The following PCSK5 variants were observed in gnomAD, a reference collection of about 807,000 sequenced individuals.
PCSK5 encodes proprotein convertase subtilisin/kexin type 5.
PCSK5 carries 129 observed loss-of-function variants against 233.2 expected under a neutral mutation model. The observed-to-expected ratio is 0.55, with a 90% confidence interval of 0.48 to 0.64. The LOEUF (loss-of-function observed/expected upper bound fraction) is 0.64. Among genes scored for constraint, PCSK5 ranks in the 30% least tolerant of loss-of-function variants. The probability of loss-of-function intolerance (pLI) is 0.00; values close to 1 mark genes in which losing one functional copy is unlikely to be tolerated. For synonymous variants in PCSK5, 825 were observed against 879.2 expected (o/e 0.94, Z 1.09); for missense variants, 2,076 against 2,430.1 (o/e 0.85, Z 3.06).
At chr9:76,175,176 GCAT>G (rs751689245) in intron 14 of PCSK5, 47 bp downstream of exon 14, 36 of 1,586,696 alleles carry the variant, frequency 2.3e-5, no homozygotes, top group Non-Finnish European at 3.1e-5. Flanking sequence ...GGCAGCTCAT[GCAT>G]CATCCCACCA....
chr9:76,138,075 A>G (rs1330584614), intron 10 of PCSK5, among the ~76,000 whole-genome samples: 1 of 152,004 alleles, frequency 6.6e-6, no homozygotes, highest in East Asian at 1.9e-4. Flanking sequence ...TTATTTACCA[A>G]TATTTCCTGA....
At chr9:76,220,656 T>C (rs1278550526) in intron 20 of PCSK5, among the ~76,000 whole-genome samples, 4 of 149,592 alleles carry the variant, frequency 2.7e-5, no homozygotes, top group Admixed American at 6.6e-5. Context: ...CACATAAAAA[T>C]TGTGTGCATT....
At chr9:75,952,040 C>A (rs1464599071) in intron 2 of PCSK5, among the ~76,000 whole-genome samples, 2 of 152,136 alleles carry the variant, frequency 1.3e-5, no homozygotes, top group Non-Finnish European at 2.9e-5. Context: ...ACTTAACCAC[C>A]TAGATGCTAC....
intron 10 of PCSK5, among the ~76,000 whole-genome samples, chr9:76,152,467 CTTATT>C (rs1823713414): frequency 6.6e-6 from 1 of 152,092 alleles, no homozygotes; most frequent in Non-Finnish European, 1.5e-5. Context: ...GCTTGTTTGC[CTTATT>C]TTATTTGTTT....
chr9:76,006,690 A>G (rs1240953320), intron 3 of PCSK5, among the ~76,000 whole-genome samples: 1 of 152,150 alleles, frequency 6.6e-6, no homozygotes, highest in Non-Finnish European at 1.5e-5. Context: ...AATATGTTTC[A>G]TCCACCATCA....
At chr9:75,908,978 T>TCTATCTATCTAA (rs1554704594) in intron 1 of PCSK5, among the ~76,000 whole-genome samples, 82 of 150,462 alleles carry the variant, frequency 5.4e-4, no homozygotes, top group African/African-American at 1.9e-3. Flanking sequence ...TATCTATCTA[T>TCTATCTATCTAA]CTATCTATCT....
chr9:76,181,098 G>A (rs2131216704), intron 15 of PCSK5, among the ~76,000 whole-genome samples: 1 of 152,248 alleles, frequency 6.6e-6, no homozygotes, highest in East Asian at 1.9e-4. Flanking sequence ...GTTTTCCTCT[G>A]ATTCACCACC....
intron 2 of PCSK5, among the ~76,000 whole-genome samples, chr9:75,966,196 G>C (rs1825578771): frequency 6.6e-6 from 1 of 152,046 alleles, no homozygotes. Context: ...GGCTAGAAAG[G>C]GTACTCAATA....
At chr9:75,998,606 G>A (rs137895853) in intron 3 of PCSK5, among the ~76,000 whole-genome samples, 9 of 152,116 alleles carry the variant, frequency 5.9e-5, no homozygotes, top group East Asian at 1.9e-4. Context: ...GAAACGTAAC[G>A]TCACTTGGTC....
At chr9:76,134,771 G>A (rs1042095297) in intron 10 of PCSK5, among the ~76,000 whole-genome samples, 10 of 152,032 alleles carry the variant, frequency 6.6e-5, no homozygotes, top group African/African-American at 2.2e-4. Context: ...ATGCAATTGT[G>A]CACAATATGT....
At chr9:75,931,898 G>A (rs1206507506) in intron 1 of PCSK5, among the ~76,000 whole-genome samples, 1 of 152,150 alleles carries the variant, frequency 6.6e-6, no homozygotes, top group Non-Finnish European at 1.5e-5. Flanking sequence ...ACGAAGTCAT[G>A]TTATCTTTGT....
chr9:76,159,320 A>T, intron 12 of PCSK5, 149 bp downstream of exon 12: 1 of 660,790 alleles, frequency 1.5e-6, no homozygotes, highest in Non-Finnish European at 2.6e-6. Context: ...TCATAAGTAG[A>T]GAGTGTGAAG....
chr9:76,000,847 C>G (rs1359613602), intron 3 of PCSK5, among the ~76,000 whole-genome samples: 6 of 151,710 alleles, frequency 4.0e-5, no homozygotes, highest in African/African-American at 1.2e-4. Flanking sequence ...ATAATAAATG[C>G]TTCCATTATT....
At chr9:76,083,118 C>A (rs7037617) in intron 7 of PCSK5, among the ~76,000 whole-genome samples, 63,533 of 148,314 alleles carry the variant, frequency 0.43, 14,188 homozygotes, top group East Asian at 0.6. Flanking sequence ...CTAAGGCAGG[C>A]GAATCGCTTG....
At chr9:75,983,925 C>G (rs1826385421) in intron 2 of PCSK5, among the ~76,000 whole-genome samples, 1 of 152,116 alleles carries the variant, frequency 6.6e-6, no homozygotes, top group Non-Finnish European at 1.5e-5. Context: ...CCAAAAAATA[C>G]AGGGCTATAT....
chr9:76,054,165 A>T (rs10118999), intron 5 of PCSK5, among the ~76,000 whole-genome samples: 9,964 of 152,014 alleles, frequency 0.066, 1,069 homozygotes, highest in African/African-American at 0.23. Flanking sequence ...TGATTCAATT[A>T]CCTCCCAACT....
rs189953561 is a variant in PCSK5, at chr9:76,175,608, T to G, written c.1900+479T>G. The G allele has an allele frequency of 1.7e-4, 28 of 168,164 alleles. 1 individual carries two copies. In the East Asian group the frequency reaches 4.6e-3, roughly 28 times the overall value. 10.4% of individuals were successfully genotyped at this position (168,164 alleles called of 1,614,324 possible). A position where few individuals can be genotyped will look rare whatever the true frequency, so the allele number is the denominator to read the frequency against. ...TTATTTCTTTAGAATAGAGTTCTGT[T>G]TTGAGACTTACTGCATCAAAGAGGA... is the stretch of plus-strand genomic sequence containing the variant. On this transcript the variant is annotated intron_variant, in intron 14 of 37. Coordinates refer to ENST00000674117, the MANE Select transcript of PCSK5 (RefSeq NM_001372043.1).
intron 35 of PCSK5, among the ~76,000 whole-genome samples, chr9:76,350,111 G>GA (rs33916148): frequency 2.6e-4 from 38 of 144,696 alleles, no homozygotes; most frequent in East Asian, 2.2e-3. Flanking sequence ...GACCCCATCT[G>GA]AAAAAAAAAA....
At chr9:75,891,489 A>AGGGC in intron 1 of PCSK5, 116 bp downstream of exon 1, 2 of 831,870 alleles carry the variant, frequency 2.4e-6, no homozygotes, top group Non-Finnish European at 3.7e-6. Flanking sequence ...CTGTTGCCCT[A>AGGGC]ACTCTTGGGC....
Sources: gnomAD v4.1 joint callset for allele counts (sites outside exome capture counted in the v4.1 genomes callset) on GRCh38, gnomAD v4.1.1 for gene constraint, MANE v1.5 for transcripts, NCBI Gene and HGNC (gene_info 2026-07-23, HGNC 2026-07-21) for gene names.